The following SV2C variants were observed in gnomAD, a reference collection of about 807,000 sequenced individuals.
The protein encoded by SV2C is synaptic vesicle glycoprotein 2C, also known as solute carrier family 22 member B3.
In SV2C, 49 loss-of-function variants were observed where a neutral mutation model predicts 79.7. That is an observed-to-expected ratio of 0.61 (90% CI 0.49 to 0.78). SV2C has a LOEUF of 0.78. Among genes scored for constraint, SV2C ranks in the 30% least tolerant of loss-of-function variants. SV2C has a pLI of 0.00. For synonymous variants in SV2C, 334 were observed against 333.2 expected (o/e 1.00, Z -0.03); for missense variants, 833 against 912.9 (o/e 0.91, Z 1.13).
chr5:76,143,067 T>TTGTATTTTTAGTAGAA (rs1749310318), intron 2 of SV2C, among the ~76,000 whole-genome samples: 1 of 152,014 alleles, frequency 6.6e-6, no homozygotes, highest in Admixed American at 6.6e-5. Context: ...CGGCTAATTT[T>TTGTATTTTTAGTAGAA]TGTATTTTTA....
chr5:75,901,814 T>C, the SV2C span, among the ~76,000 whole-genome samples: 2,521 of 152,158 alleles, frequency 0.017, 36 homozygotes, highest in African/African-American at 0.043. Context: ...CCCCCAGCCT[T>C]GCTGCCACCT....
chr5:75,847,712 T>G, the SV2C span, among the ~76,000 whole-genome samples: 16 of 152,136 alleles, frequency 1.1e-4, no homozygotes, highest in African/African-American at 3.6e-4. Flanking sequence ...AGAAATAGAT[T>G]TGAGGAAATG....
chr5:76,347,119 G>A (rs1749559611), intron 12 of SV2C, among the ~76,000 whole-genome samples: 1 of 103,824 alleles, frequency 9.6e-6, no homozygotes, highest in African/African-American at 6.7e-5. Flanking sequence ...AAGCTGAGCT[G>A]TGATGGAGGC....
chr5:75,905,417 T>C, the SV2C span, among the ~76,000 whole-genome samples: 2,519 of 152,352 alleles, frequency 0.017, 36 homozygotes, highest in African/African-American at 0.043. Flanking sequence ...TTAAAAGATG[T>C]ATGCCCATGT....
the SV2C span, among the ~76,000 whole-genome samples, chr5:75,980,452 G>A: frequency 6.6e-6 from 1 of 152,174 alleles, no homozygotes; most frequent in South Asian, 2.1e-4. Flanking sequence ...GAACATCAAG[G>A]CAAAAATCCT....
chr5:76,149,666 C>CA (rs1366965723), intron 2 of SV2C, among the ~76,000 whole-genome samples: 5 of 150,966 alleles, frequency 3.3e-5, no homozygotes, highest in Non-Finnish European at 4.4e-5. Flanking sequence ...TTTTAGGAAA[C>CA]TTTTTTTTTT....
At chr5:76,263,577 G>C (rs1434051318) in intron 4 of SV2C, among the ~76,000 whole-genome samples, 1 of 152,076 alleles carries the variant, frequency 6.6e-6, no homozygotes, top group Non-Finnish European at 1.5e-5. Context: ...TTTACAATTT[G>C]GTATGTTGTT....
intron 2 of SV2C, among the ~76,000 whole-genome samples, chr5:76,156,370 A>G (rs1580313776): frequency 6.6e-6 from 1 of 152,178 alleles, no homozygotes; most frequent in African/African-American, 2.4e-5. Context: ...AAATAATCCA[A>G]CTAATCACTA....
chr5:76,246,636 C>T (rs1745955260), intron 4 of SV2C, among the ~76,000 whole-genome samples: 1 of 150,982 alleles, frequency 6.6e-6, no homozygotes, highest in South Asian at 2.1e-4. Flanking sequence ...CACTCACACT[C>T]ACACTCACAC....
At chr5:76,000,091 G>A in the SV2C span, among the ~76,000 whole-genome samples, 78 of 152,124 alleles carry the variant, frequency 5.1e-4, no homozygotes, top group African/African-American at 1.3e-3. Context: ...CCCATATAGT[G>A]GAAGGCCATC....
intron 4 of SV2C, among the ~76,000 whole-genome samples, chr5:76,266,567 A>G (rs930153194): frequency 5.3e-5 from 8 of 152,208 alleles, no homozygotes; most frequent in Admixed American, 5.2e-4. Context: ...CAAACAGATG[A>G]ATACTGTATA....
At chr5:75,987,705 G>C in the SV2C span, among the ~76,000 whole-genome samples, 1 of 151,996 alleles carries the variant, frequency 6.6e-6, no homozygotes, top group African/African-American at 2.4e-5. Context: ...ATAAAAGTAG[G>C]TTTGTTGTTT....
intron 4 of SV2C, among the ~76,000 whole-genome samples, chr5:76,211,020 C>T (rs1158276973): frequency 1.3e-5 from 2 of 152,154 alleles, no homozygotes; most frequent in African/African-American, 4.8e-5. Context: ...TGGGAGGATA[C>T]ACAGATCAGC....
chr5:76,018,299 C>T, the SV2C span, among the ~76,000 whole-genome samples: 1 of 152,076 alleles, frequency 6.6e-6, no homozygotes, highest in African/African-American at 2.4e-5. Flanking sequence ...TGTCATATTT[C>T]AACTTGAGAT....
At chr5:76,109,668 G>A (rs1412737908) in intron 1 of SV2C, among the ~76,000 whole-genome samples, 2 of 152,150 alleles carry the variant, frequency 1.3e-5, no homozygotes, top group Non-Finnish European at 2.9e-5. Flanking sequence ...CACATAGGGA[G>A]AAACTGAGGC....
the SV2C span, among the ~76,000 whole-genome samples, chr5:75,874,514 C>G: frequency 8.3e-3 from 1,257 of 152,270 alleles, 23 homozygotes; most frequent in African/African-American, 0.029. Context: ...GATGCCCTCT[C>G]TCACCACTTC....
At chr5:75,865,439 C>T in the SV2C span, among the ~76,000 whole-genome samples, 5 of 152,268 alleles carry the variant, frequency 3.3e-5, no homozygotes, top group East Asian at 9.6e-4. Context: ...AGATGGGCTA[C>T]TTTGGTATGT....
intron 2 of SV2C, among the ~76,000 whole-genome samples, chr5:76,168,407 A>C (rs1743108580): frequency 6.7e-6 from 1 of 148,768 alleles, no homozygotes. Context: ...ACCCCTCCTT[A>C]CCTTGGATCC....
chr5:76,150,235 C>T (rs1156619150), intron 2 of SV2C, among the ~76,000 whole-genome samples: 2 of 149,238 alleles, frequency 1.3e-5, no homozygotes, highest in Admixed American at 1.3e-4. Flanking sequence ...CTTGCTCTGT[C>T]TGCAGGCTGG....
Sources: gnomAD v4.1 joint callset for allele counts (sites outside exome capture counted in the v4.1 genomes callset) on GRCh38, gnomAD v4.1.1 for gene constraint, MANE v1.5 for transcripts, NCBI Gene and HGNC (gene_info 2026-07-23, HGNC 2026-07-21) for gene names.